Variants in GRID2 observed in about 807,000 individuals in gnomAD.
GRID2 encodes the protein glutamate ionotropic receptor delta type subunit 2.
GRID2 carries 33 observed loss-of-function variants against 114.8 expected under a neutral mutation model. That is an observed-to-expected ratio of 0.29 (90% CI 0.22 to 0.38). The LOEUF is 0.38. Ranked by LOEUF, GRID2 falls within the 10% of genes least tolerant of loss-of-function variation. The probability of loss-of-function intolerance (pLI) is 1.00; values close to 1 mark genes in which losing one functional copy is unlikely to be tolerated. For synonymous variants in GRID2, 505 were observed against 449.9 expected (o/e 1.12, Z -1.55); for missense variants, 1,184 against 1,257.7 (o/e 0.94, Z 0.89).
chr4:92,777,039 T>A (rs940877221), intron 2 of GRID2, among the ~76,000 whole-genome samples: 2 of 151,884 alleles, frequency 1.3e-5, no homozygotes, highest in African/African-American at 4.8e-5. Context: ...TTGAATAAAT[T>A]TCTCAGTGTG....
chr4:93,104,813 G>A (rs1000351393), intron 3 of GRID2, among the ~76,000 whole-genome samples: 9 of 152,108 alleles, frequency 5.9e-5, no homozygotes, highest in Admixed American at 5.9e-4. Flanking sequence ...AGTCCTTTGG[G>A]TATATACCCA....
At chr4:92,596,221 TATTC>T (rs10546629) in intron 2 of GRID2, among the ~76,000 whole-genome samples, 27,687 of 151,242 alleles carry the variant, frequency 0.18, 2,578 homozygotes, top group Non-Finnish European at 0.2. Context: ...GGTATGATTC[TATTC>T]ATTCATTCAT....
chr4:92,457,619 G>T (rs1407595803), intron 1 of GRID2, among the ~76,000 whole-genome samples: 2 of 152,102 alleles, frequency 1.3e-5, no homozygotes, highest in Admixed American at 1.3e-4. Context: ...ATTTAAAGTT[G>T]CATTCCACAA....
At chr4:93,287,248 C>T (rs1753277746) in intron 8 of GRID2, among the ~76,000 whole-genome samples, 1 of 152,076 alleles carries the variant, frequency 6.6e-6, no homozygotes, top group Non-Finnish European at 1.5e-5. Flanking sequence ...GTTTTTCTGT[C>T]ATTTAGTTTT....
chr4:93,337,562 A>G (rs75969857), intron 8 of GRID2, among the ~76,000 whole-genome samples: 12,437 of 152,222 alleles, frequency 0.082, 689 homozygotes, highest in Middle Eastern at 0.19. Flanking sequence ...TCTTTATTAT[A>G]TTGGATAGCA....
At chr4:93,396,607 G>A (rs1478935077) in intron 9 of GRID2, among the ~76,000 whole-genome samples, 2 of 151,944 alleles carry the variant, frequency 1.3e-5, no homozygotes, top group African/African-American at 4.8e-5. Context: ...GCTGATTGAG[G>A]AGTAACCGAA....
At chr4:92,841,944 A>G (rs1742928785) in intron 2 of GRID2, among the ~76,000 whole-genome samples, 1 of 152,106 alleles carries the variant, frequency 6.6e-6, no homozygotes, top group Non-Finnish European at 1.5e-5. Context: ...GTAAATAGGC[A>G]GGGCTGCAGT....
intron 2 of GRID2, among the ~76,000 whole-genome samples, chr4:93,037,477 C>T (rs928925682): frequency 1.2e-4 from 19 of 152,066 alleles, no homozygotes; most frequent in Admixed American, 6.6e-5. Flanking sequence ...GCTTTTGTTG[C>T]TATTGCTTGT....
intron 3 of GRID2, among the ~76,000 whole-genome samples, chr4:93,097,868 AAGT>A (rs1196039133): frequency 6.6e-6 from 1 of 151,936 alleles, no homozygotes; most frequent in African/African-American, 2.4e-5. Flanking sequence ...AATATTAAAT[AAGT>A]AGTCTGTTTT....
chr4:92,905,907 T>C lies in GRID2; in HGVS notation c.245-179088T>C, dbSNP rs969012717. ...CTAATTAATTTATTAATTTCAGTACTGAGTTCGCTCTATAATTAAGTCTTA... is the reference window on the plus strand; with the variant it reads ...CTAATTAATTTATTAATTTCAGTACCGAGTTCGCTCTATAATTAAGTCTTA... On this transcript the variant is annotated intron_variant, in intron 2 of 15. Coordinates refer to ENST00000282020, the MANE Select transcript of GRID2 (RefSeq NM_001510.4). 5.3e-5 allele frequency among the ~76,000 whole-genome samples: 8 copies of C among 152,302 alleles called. No homozygotes were observed. The East Asian group carries it at 1.5e-3, about 29-fold the overall frequency.
intron 11 of GRID2, 122 bp from the exon 12 acceptor site, chr4:93,490,517 T>C (rs1726886989): frequency 1.5e-6 from 1 of 649,946 alleles, no homozygotes; most frequent in Non-Finnish European, 2.8e-6. Context: ...GAGATCTATG[T>C]TGATGTTAAG....
intron 15 of GRID2, among the ~76,000 whole-genome samples, chr4:93,769,855 A>C (rs1257277618): frequency 1.3e-5 from 2 of 152,258 alleles, no homozygotes; most frequent in East Asian, 3.9e-4. Context: ...CTAGCCCCCC[A>C]AAAATACAAT....
intron 13 of GRID2, among the ~76,000 whole-genome samples, chr4:93,545,171 T>C (rs1396005712): frequency 6.6e-6 from 1 of 152,080 alleles, no homozygotes; most frequent in Non-Finnish European, 1.5e-5. Context: ...GCAGCCTAAA[T>C]TCAGGTGCAG....
intron 13 of GRID2, among the ~76,000 whole-genome samples, chr4:93,613,284 G>T (rs1427920027): frequency 7.3e-6 from 1 of 137,208 alleles, no homozygotes; most frequent in Non-Finnish European, 1.6e-5. Flanking sequence ...AGAGTAATTT[G>T]ATCGTCTGAA....
At chr4:92,584,719 C>T (rs935695559) in intron 1 of GRID2, among the ~76,000 whole-genome samples, 1 of 151,644 alleles carries the variant, frequency 6.6e-6, no homozygotes, top group Non-Finnish European at 1.5e-5. Context: ...TATATGCACA[C>T]ACATATATGT....
chr4:93,410,241 T>C (rs1337871611), intron 9 of GRID2, among the ~76,000 whole-genome samples: 2 of 152,202 alleles, frequency 1.3e-5, no homozygotes, highest in Non-Finnish European at 2.9e-5. Context: ...TCCTGTAGCC[T>C]GAAAATATGT....
rs4693306 is a variant in GRID2 at position 93,108,634 on chromosome 4, T to C, written c.530-2114T>C. On this transcript the variant is annotated intron_variant, in intron 3 of 15. Transcript: ENST00000282020. Reference sequence around the variant, plus strand: ...TCTGCTCTGACATGTATTTTTTTTTTCTTTTTTTTTTTTTGAGATGGAGTC... The same window carrying C: ...TCTGCTCTGACATGTATTTTTTTTTCCTTTTTTTTTTTTTGAGATGGAGTC... Among the ~76,000 whole-genome samples the C allele has an allele frequency of 5.8e-4, 85 of 145,764 alleles. 1 individual carries two copies. The highest frequency in any genetic ancestry group is 3.7e-3 in the Middle Eastern group (1 of 268).
At chr4:93,013,081 C>T (rs1202920887) in intron 2 of GRID2, among the ~76,000 whole-genome samples, 3 of 151,910 alleles carry the variant, frequency 2.0e-5, no homozygotes, top group Non-Finnish European at 2.9e-5. Context: ...GTGACAGAAA[C>T]ATTTGTAAAC....
intron 8 of GRID2, among the ~76,000 whole-genome samples, chr4:93,290,075 A>G (rs1753575264): frequency 6.6e-6 from 1 of 152,232 alleles, no homozygotes; most frequent in African/African-American, 2.4e-5. Flanking sequence ...TTTTGTCTTC[A>G]TAAAGAATAT....
Sources: allele counts gnomAD v4.1 joint callset (sites outside exome capture counted in the v4.1 genomes callset), GRCh38; gene constraint gnomAD v4.1.1; transcripts MANE v1.5; gene names NCBI Gene and HGNC (gene_info 2026-07-23, HGNC 2026-07-21).